The following ZMYM4 variants were observed in gnomAD, a reference collection of about 807,000 sequenced individuals.
ZMYM4 encodes the protein zinc finger MYM-type containing 4.
A neutral mutation model predicts 183.2 loss-of-function variants in ZMYM4; 31 were observed. That is an observed-to-expected ratio of 0.17 (90% CI 0.13 to 0.23). The LOEUF (loss-of-function observed/expected upper bound fraction) is 0.23. Ranked by LOEUF, ZMYM4 falls within the 10% of genes least tolerant of loss-of-function variation. The pLI is 1.00. For missense variants in ZMYM4, 1,273 were observed against 1,840.3 expected, an observed-to-expected ratio of 0.69 and a Z score of 5.64; for synonymous variants, 592 against 631.2, an observed-to-expected ratio of 0.94 and a Z score of 0.93.
intron 1 of ZMYM4, among the ~76,000 whole-genome samples, chr1:35,324,533 C>G (rs991114323): frequency 8.5e-5 from 13 of 152,168 alleles, no homozygotes; most frequent in African/African-American, 2.7e-4. Context: ...TTATGAATAT[C>G]AGATACTACT....
At chr1:35,335,973 C>T (rs1642958855) in intron 2 of ZMYM4, among the ~76,000 whole-genome samples, 1 of 152,058 alleles carries the variant, frequency 6.6e-6, no homozygotes, top group East Asian at 1.9e-4. Context: ...ACCACCTAAG[C>T]CATTTTTAAG....
At chr1:35,278,826 A>G (rs548534444) in intron 1 of ZMYM4, among the ~76,000 whole-genome samples, 2 of 152,326 alleles carry the variant, frequency 1.3e-5, no homozygotes, top group East Asian at 3.9e-4. Flanking sequence ...TGGACTCGGC[A>G]TGATTCATTT....
At chr1:35,292,403 T>C (rs1640805873) in intron 1 of ZMYM4, 1 of 152,372 alleles carries the variant, frequency 6.6e-6, no homozygotes, top group Non-Finnish European at 1.5e-5. Context: ...TTGGCATAGC[T>C]AGCACACTAT....
chr1:35,403,037 C>T (rs1002390971), intron 23 of ZMYM4, among the ~76,000 whole-genome samples: 1 of 152,090 alleles, frequency 6.6e-6, no homozygotes, highest in Non-Finnish European at 1.5e-5. Flanking sequence ...TGAAGAAGTT[C>T]CCCTTCTCCT....
At chr1:35,310,248 T>C (rs1472384342) in intron 1 of ZMYM4, 2 of 172,932 alleles carry the variant, frequency 1.2e-5, no homozygotes, top group Non-Finnish European at 2.5e-5. Context: ...TTTATGGTTA[T>C]CTTTGAATGT....
chr1:35,315,117 C>T (rs1241560661), intron 1 of ZMYM4, among the ~76,000 whole-genome samples: 1 of 146,716 alleles, frequency 6.8e-6, no homozygotes, highest in African/African-American at 2.5e-5. Flanking sequence ...GTAATGGGCT[C>T]TATTCTCTAT....
chr1:35,350,297 T>C (rs1159150606), intron 2 of ZMYM4, among the ~76,000 whole-genome samples: 1 of 149,858 alleles, frequency 6.7e-6, no homozygotes, highest in Non-Finnish European at 1.5e-5. Context: ...TGAAATTACT[T>C]TTTTTTTTTG....
intron 2 of ZMYM4, among the ~76,000 whole-genome samples, chr1:35,326,324 G>A (rs1642501983): frequency 1.3e-5 from 2 of 152,114 alleles, no homozygotes; most frequent in Admixed American, 6.6e-5. Context: ...ATAAAAACAA[G>A]TAAGATAATT....
intron 29 of ZMYM4, among the ~76,000 whole-genome samples, chr1:35,418,792 C>G (rs1640221585): frequency 6.6e-6 from 1 of 152,110 alleles, no homozygotes; most frequent in Admixed American, 6.6e-5. Context: ...AAGCAAGAAT[C>G]ACTGCTATTG....
intron 1 of ZMYM4, among the ~76,000 whole-genome samples, chr1:35,282,757 T>C (rs1640239027): frequency 6.6e-6 from 1 of 152,066 alleles, no homozygotes; most frequent in African/African-American, 2.4e-5. Context: ...GGTTTGGCCA[T>C]GTTACCAAGG....
At chr1:35,412,039 G>A (rs554884531) in intron 26 of ZMYM4, among the ~76,000 whole-genome samples, 37 of 151,720 alleles carry the variant, frequency 2.4e-4, no homozygotes, top group Admixed American at 3.9e-4. Flanking sequence ...GCCCGCCACC[G>A]CGCCCAGCTA....
intron 7 of ZMYM4, among the ~76,000 whole-genome samples, chr1:35,375,108 CCTTA>C (rs1312017384): frequency 2.6e-5 from 4 of 152,140 alleles, no homozygotes; most frequent in African/African-American, 4.8e-5. Flanking sequence ...TTCAGGTACT[CCTTA>C]CTTATCTCCT....
At chr1:35,415,745 T>C in intron 28 of ZMYM4, 31 bp downstream of exon 28, 1 of 1,602,888 alleles carries the variant, frequency 6.2e-7, no homozygotes, top group Non-Finnish European at 8.5e-7. Flanking sequence ...GATTTCTCTT[T>C]GAAGTCTTAG....
At chr1:35,393,439 A>G (rs144942623) in intron 17 of ZMYM4, among the ~76,000 whole-genome samples, 156 bp from the exon 18 acceptor site, 18 of 152,344 alleles carry the variant, frequency 1.2e-4, no homozygotes, top group African/African-American at 3.8e-4. Flanking sequence ...TTAATATTTT[A>G]GGAGTATTGT....
intron 1 of ZMYM4, among the ~76,000 whole-genome samples, chr1:35,309,300 A>G (rs891483468): frequency 7.2e-5 from 11 of 152,118 alleles, no homozygotes; most frequent in African/African-American, 2.7e-4. Context: ...CATAGACCGA[A>G]ATGTTTTTCT....
At chr1:35,376,177 G>C (rs181157962) in intron 7 of ZMYM4, among the ~76,000 whole-genome samples, 1 of 152,108 alleles carries the variant, frequency 6.6e-6, no homozygotes, top group African/African-American at 2.4e-5. Context: ...GATATTCAAA[G>C]AAGTAACACC....
At chr1:35,326,624 G>T (rs1012578748) in intron 2 of ZMYM4, among the ~76,000 whole-genome samples, 2 of 152,066 alleles carry the variant, frequency 1.3e-5, no homozygotes, top group African/African-American at 4.8e-5. Flanking sequence ...GCCTATCCTG[G>T]CAGCCTCAGG....
intron 20 of ZMYM4, 123 bp downstream of exon 20, chr1:35,397,668 C>G (rs990381207): frequency 6.5e-6 from 5 of 773,464 alleles, no homozygotes; most frequent in South Asian, 4.3e-5. Flanking sequence ...GAATACCAAG[C>G]CTGTGGGGTT....
chr1:35,269,229 G>A (rs1639468516), intron 1 of ZMYM4, 144 bp downstream of exon 1: 2 of 926,402 alleles, frequency 2.2e-6, no homozygotes, highest in African/African-American at 1.7e-5. Flanking sequence ...CCTTGGGTCC[G>A]GAGCGCGCTG....
Sources: gnomAD v4.1 joint callset for allele counts (sites outside exome capture counted in the v4.1 genomes callset) on GRCh38, gnomAD v4.1.1 for gene constraint, MANE v1.5 for transcripts, NCBI Gene and HGNC (gene_info 2026-07-23, HGNC 2026-07-21) for gene names.